The following TAF4B variants were observed in gnomAD, a reference collection of about 807,000 sequenced individuals.
The protein encoded by TAF4B is transcription initiation factor TFIID subunit 4B.
Under a neutral mutation model 86.4 loss-of-function variants are expected in TAF4B, and 38 were observed. The ratio of observed to expected loss-of-function variants is 0.44; its 90% CI spans 0.34 to 0.58. TAF4B has a LOEUF of 0.58. TAF4B is among the 20% of genes least tolerant of loss of function. TAF4B has a pLI of 0.02. For missense variants in TAF4B, 988 were observed against 1,027.6 expected, an observed-to-expected ratio of 0.96 and a Z score of 0.53; for synonymous variants, 388 against 391.2, an observed-to-expected ratio of 0.99 and a Z score of 0.10.
chr18:26,285,898 T>C lies in TAF4B; in HGVS notation c.989T>C (p.Leu330Ser). ...CATTTCCAGAAAAGCGTGGTTGCCT[T>C]ACGACAACTTCTGCCTAACTCCCAG... ...VPFLKKSVVA[L>S]RQLLPNSQSF... The change falls in exon 7 of 15, where the codon TTA (leucine) becomes TCA (serine). Residue 330 changes from leucine (L) to serine (S), a missense_variant. Around this residue, in one of 3 missense-constraint regions of TAF4B, gnomAD observed 747 missense variants for 737.9 expected, o/e 1.01. Transcript: ENST00000269142. The C allele has an allele frequency of 6.2e-7, 1 of 1,608,092 alleles. No individual in the cohort carries two copies. Among genetic ancestry groups the C allele is most frequent in the Non-Finnish European group, 8.5e-7 (1 of 1,175,912 alleles).
At chr18:26,258,060 C>T (rs2056111510) in intron 1 of TAF4B, among the ~76,000 whole-genome samples, 1 of 152,056 alleles carries the variant, frequency 6.6e-6, no homozygotes, top group South Asian at 2.1e-4. Context: ...CTGAGACCAT[C>T]CTGGCCAACA....
chr18:26,254,796 A>G (rs1184912435), intron 1 of TAF4B, among the ~76,000 whole-genome samples: 1 of 152,210 alleles, frequency 6.6e-6, no homozygotes, highest in African/African-American at 2.4e-5. Context: ...TTTATCAAAT[A>G]TTAATATGAA....
intron 1 of TAF4B, among the ~76,000 whole-genome samples, chr18:26,258,292 A>C (rs111609874): frequency 3.3e-4 from 50 of 151,462 alleles, no homozygotes; most frequent in African/African-American, 1.1e-3. Flanking sequence ...GAGCAAGGAC[A>C]TGTTTATGTC....
Position 26,390,123 on chromosome 18 carries a change from G to A in TAF4B, c.*111G>A. On this transcript the variant is annotated 3_prime_UTR_variant, in exon 15 of 15. Transcript: ENST00000269142. ...CTGGAAAATAATCACCAACATGAAA[G>A]AGCATTGTTTACAGTTAGAAACTTT... 1.7e-6 allele frequency: 2 copies of A among 1,164,366 alleles called. No homozygotes were observed. Among genetic ancestry groups the A allele is most frequent in the Non-Finnish European group, 2.4e-6 (2 of 830,156 alleles). The allele number at this position is 1,164,366 out of a possible 1,614,324, so 72.1% of individuals were successfully genotyped here.
At chr18:26,258,764 T>A (rs936321150) in intron 1 of TAF4B, among the ~76,000 whole-genome samples, 5 of 152,152 alleles carry the variant, frequency 3.3e-5, no homozygotes, top group African/African-American at 1.2e-4. Flanking sequence ...GGTGTGATTA[T>A]AGCTCACTGC....
At chr18:26,328,245 T>C (rs2057021653) in intron 12 of TAF4B, among the ~76,000 whole-genome samples, 1 of 152,088 alleles carries the variant, frequency 6.6e-6, no homozygotes, top group Non-Finnish European at 1.5e-5. Flanking sequence ...GGTCAGGAGA[T>C]CGAGACTATC....
chr18:26,245,642 G>A (rs74816607), intron 1 of TAF4B, among the ~76,000 whole-genome samples: 11,590 of 152,152 alleles, frequency 0.076, 548 homozygotes, highest in Non-Finnish European at 0.1. Context: ...TTTACAGAGC[G>A]CTGATTGGTG....
In TAF4B at chr18:26,226,868, G is replaced by C; in HGVS notation, c.-66G>C. On this transcript the variant is annotated 5_prime_UTR_variant, in exon 1 of 15. Transcript: ENST00000269142. Reference sequence around the variant, plus strand: ...ACCGCACCGGAGTCGGCTGCCGCGCGCCAAGCCTCCCCTCACCTCTGCTCC... The same window carrying C: ...ACCGCACCGGAGTCGGCTGCCGCGCCCCAAGCCTCCCCTCACCTCTGCTCC... 1 of 1,259,804 alleles carries C rather than the reference G, an allele frequency of 7.9e-7. No individual in the cohort carries two copies. Among genetic ancestry groups the C allele is most frequent in the South Asian group, 2.3e-5 (1 of 43,408 alleles). The allele number at this position is 1,259,804 out of a possible 1,614,324, so 78.0% of individuals were successfully genotyped here. A position where few individuals can be genotyped will look rare whatever the true frequency, so the allele number is the denominator to read the frequency against.
At chr18:26,235,887 T>C (rs1397036872) in intron 1 of TAF4B, among the ~76,000 whole-genome samples, 1 of 152,216 alleles carries the variant, frequency 6.6e-6, no homozygotes, top group Non-Finnish European at 1.5e-5. Context: ...CTGTTTGGTT[T>C]TTGTACTCCT....
intron 1 of TAF4B, among the ~76,000 whole-genome samples, chr18:26,229,206 C>A (rs2055624648): frequency 6.6e-6 from 1 of 152,076 alleles, no homozygotes; most frequent in Admixed American, 6.5e-5. Context: ...AATTATGTTC[C>A]TAGCACTGTA....
Position 26,346,779 on chromosome 18 carries a change from GTGTA to G in TAF4B, c.2317-10909_2317-10906del, listed in dbSNP as rs1292019823. Among the ~76,000 whole-genome samples the G allele has an allele frequency of 2.3e-3, 41 of 17,884 alleles. 2 individuals are homozygous for G. Among genetic ancestry groups the G allele is most frequent in the African/African-American group, 5.3e-3 (31 of 5,850 alleles). The allele number at this position is 17,884 out of a possible 152,430, so 11.7% of individuals were successfully genotyped here. A position where few individuals can be genotyped will look rare whatever the true frequency, so the allele number is the denominator to read the frequency against. ...TGTGTGTATATATATATATATGTGT[GTGTA>G]TATATATATATATATGTGTATATAT... is the stretch of plus-strand genomic sequence containing the variant. On this transcript the variant is annotated intron_variant, in intron 13 of 14. Transcript: ENST00000269142.
chr18:26,351,769 A>G (rs2057247983), intron 13 of TAF4B, among the ~76,000 whole-genome samples: 1 of 152,184 alleles, frequency 6.6e-6, no homozygotes, highest in Non-Finnish European at 1.5e-5. Flanking sequence ...CTGATGTAAA[A>G]AATGATGATT....
At chr18:26,305,802 T>C (rs2056789108) in intron 9 of TAF4B, among the ~76,000 whole-genome samples, 1 of 152,242 alleles carries the variant, frequency 6.6e-6, no homozygotes, top group Admixed American at 6.5e-5. Context: ...TAATTTTACT[T>C]GTTATTTTTC....
At chr18:26,259,733 G>A (rs560015301) in intron 1 of TAF4B, among the ~76,000 whole-genome samples, 2 of 152,266 alleles carry the variant, frequency 1.3e-5, no homozygotes, top group South Asian at 2.1e-4. Context: ...GAATAGTGCC[G>A]CAGTAAACAC....
At chr18:26,299,492 T>TA (rs1430955743) in intron 9 of TAF4B, among the ~76,000 whole-genome samples, 1 of 152,174 alleles carries the variant, frequency 6.6e-6, no homozygotes, top group Non-Finnish European at 1.5e-5. Context: ...TTTTTGTTCT[T>TA]AGAGTGTGTT....
At chr18:26,318,299 C>T (rs2056931628) in intron 10 of TAF4B, among the ~76,000 whole-genome samples, 1 of 151,746 alleles carries the variant, frequency 6.6e-6, no homozygotes, top group African/African-American at 2.4e-5. Context: ...TGATGAAGTA[C>T]AAACCTGTCG....
At chr18:26,377,738 C>A (rs569774977) in intron 14 of TAF4B, among the ~76,000 whole-genome samples, 27 of 152,264 alleles carry the variant, frequency 1.8e-4, no homozygotes, top group African/African-American at 6.3e-4. Context: ...CATGACAGTT[C>A]ATCTTCTGGA....
rs150922107 is a variant in TAF4B, at chr18:26,307,071, G to A, written c.1833-8158G>A. On this transcript the variant is annotated intron_variant, in intron 9 of 14. Coordinates refer to ENST00000269142, the MANE Select transcript of TAF4B (RefSeq NM_005640.3). ...CCCAAAGTGCTGGAATTACAGGCAT[G>A]AGCCACCGTGCCCAGCCTTACTTCA... 6.8e-3 allele frequency among the ~76,000 whole-genome samples: 1,038 copies of A among 152,206 alleles called. 12 individuals carry two copies. Among genetic ancestry groups the A allele is most frequent in the African/African-American group, 0.024 (988 of 41,514 alleles).
intron 13 of TAF4B, among the ~76,000 whole-genome samples, chr18:26,339,269 A>G (rs1384902791): frequency 6.6e-6 from 1 of 152,182 alleles, no homozygotes; most frequent in Non-Finnish European, 1.5e-5. Flanking sequence ...CCTAAAATGT[A>G]AGTACCTGCA....
Sources: allele counts gnomAD v4.1 joint callset (sites outside exome capture counted in the v4.1 genomes callset), GRCh38; gene constraint gnomAD v4.1.1; regional missense constraint gnomAD v4.1.1; transcripts MANE v1.5; gene names NCBI Gene and HGNC (gene_info 2026-07-23, HGNC 2026-07-21).